TASP1: variants seen among roughly 807,000 people sequenced by gnomAD.
TASP1 encodes the protein taspase 1.
In TASP1, 16 loss-of-function variants were observed where a neutral mutation model predicts 56.6. The observed-to-expected ratio is 0.28, with a 90% CI of 0.19 to 0.43. The LOEUF (loss-of-function observed/expected upper bound fraction) is 0.43, where lower values mean the gene tolerates loss of function less well. TASP1 is among the 20% of genes least tolerant of loss of function. The probability of loss-of-function intolerance (pLI) is 1.00; values close to 1 mark genes in which losing one functional copy is unlikely to be tolerated. For missense variants in TASP1, 393 were observed against 511.6 expected (o/e 0.77, Z 2.24); for synonymous variants, 179 against 184.2 (o/e 0.97, Z 0.23).
At chr20:13,590,339 T>C (rs2047476828) in intron 4 of TASP1, among the ~76,000 whole-genome samples, 1 of 152,080 alleles carries the variant, frequency 6.6e-6, no homozygotes, top group Admixed American at 6.6e-5. Context: ...GCTATAATCA[T>C]ACAGATAACA....
the TASP1 span, among the ~76,000 whole-genome samples, chr20:13,225,614 G>A: frequency 2.0e-5 from 3 of 152,076 alleles, no homozygotes; most frequent in African/African-American, 7.2e-5. Context: ...GCAGTAAAAA[G>A]TTTTGAGTAC....
chr20:13,220,573 C>G, the TASP1 span, among the ~76,000 whole-genome samples: 1 of 152,220 alleles, frequency 6.6e-6, no homozygotes, highest in African/African-American at 2.4e-5. Context: ...GAGCCGCGGG[C>G]ACTGCGTCTC....
intron 4 of TASP1, among the ~76,000 whole-genome samples, chr20:13,612,097 T>G (rs1380505788): frequency 6.6e-6 from 1 of 152,132 alleles, no homozygotes. Context: ...AACAACAAAT[T>G]TTATTATCAT....
chr20:13,390,238 G>T lies in TASP1; in HGVS notation c.*122C>A. On this transcript the variant is annotated 3_prime_UTR_variant, in exon 14 of 14. Coordinates refer to ENST00000337743, the MANE Select transcript of TASP1 (RefSeq NM_017714.3). ...TACAGCAGCACTTGTGTCTCGAGCAGTGCACGAGGTTGCAATAGGAATTAT... is the reference window on the plus strand; with the variant it reads ...TACAGCAGCACTTGTGTCTCGAGCATTGCACGAGGTTGCAATAGGAATTAT... The T allele has an allele frequency of 2.3e-6, 2 of 859,876 alleles. No individual in the cohort carries two copies. Among genetic ancestry groups the T allele is most frequent in the Non-Finnish European group, 3.6e-6 (2 of 548,854 alleles). 53.3% of individuals were successfully genotyped at this position (859,876 alleles called of 1,614,324 possible).
chr20:13,319,274 C>T, the TASP1 span, among the ~76,000 whole-genome samples: 2 of 152,018 alleles, frequency 1.3e-5, no homozygotes, highest in Non-Finnish European at 2.9e-5. Flanking sequence ...GCCAACTAGA[C>T]TATGAGCAAC....
At chr20:13,229,781 G>A in the TASP1 span, among the ~76,000 whole-genome samples, 1 of 152,060 alleles carries the variant, frequency 6.6e-6, no homozygotes, top group Non-Finnish European at 1.5e-5. Context: ...TCTCACCTCT[G>A]TAGTGCTTCA....
At chr20:13,350,981 A>G in the TASP1 span, among the ~76,000 whole-genome samples, 3 of 150,826 alleles carry the variant, frequency 2.0e-5, no homozygotes, top group Non-Finnish European at 4.4e-5. Context: ...AAAAAAAAAC[A>G]AAACCTAATT....
In TASP1 at chr20:13,559,033, T is replaced by C; in HGVS notation, c.650A>G (p.Lys217Arg). ...ERVDTDFMQLKKRRQSSEKEN... is the reference protein window; with the variant it reads ...ERVDTDFMQLRKRRQSSEKEN... ...CTTCTCACTTGATTGTCTTCTTTTC[T>C]TTAGTTGCATAAAATCTGTGTCCAC... The change falls in exon 8 of 14, where the codon AAG becomes AGG. Residue 217 changes from lysine to arginine, a missense_variant. Transcript: ENST00000337743. 1 of 1,595,868 alleles carries C rather than the reference T, an allele frequency of 6.3e-7. No homozygotes were observed. The highest frequency in any genetic ancestry group is 8.5e-7 in the Non-Finnish European group (1 of 1,170,736).
intron 10 of TASP1, among the ~76,000 whole-genome samples, chr20:13,498,796 C>CAAAAAAAAAAAAAAAAAAA: frequency 7.7e-6 from 1 of 130,058 alleles, no homozygotes; most frequent in African/African-American, 2.8e-5. Context: ...ATAAAAAAGG[C>CAAAAAAAAAAAAAAAAAAA]AAAAAAAAAA....
At chr20:13,457,314 A>T (rs2043881389) in intron 11 of TASP1, among the ~76,000 whole-genome samples, 2 of 152,166 alleles carry the variant, frequency 1.3e-5, no homozygotes, top group Non-Finnish European at 2.9e-5. Context: ...TATATACATT[A>T]TTTTAAAACC....
chr20:13,318,931 G>A, the TASP1 span, among the ~76,000 whole-genome samples: 1 of 152,196 alleles, frequency 6.6e-6, no homozygotes, highest in East Asian at 1.9e-4. Flanking sequence ...ACTATGCTAT[G>A]TGTTACTATA....
the TASP1 span, among the ~76,000 whole-genome samples, chr20:13,221,326 G>A: frequency 1.4e-5 from 2 of 146,324 alleles, no homozygotes; most frequent in Admixed American, 6.9e-5. Context: ...CAGCTGCGGC[G>A]CCGCGGCCAC....
chr20:13,255,181 T>C, the TASP1 span, among the ~76,000 whole-genome samples: 31,947 of 152,212 alleles, frequency 0.21, 3,659 homozygotes, highest in East Asian at 0.42. Context: ...AAGTCCTCTC[T>C]CTCTGGAGGT....
At chr20:13,356,360 A>G in the TASP1 span, among the ~76,000 whole-genome samples, 1 of 152,154 alleles carries the variant, frequency 6.6e-6, no homozygotes, top group Non-Finnish European at 1.5e-5. Flanking sequence ...AATGTCAGGG[A>G]AGTAATATAC....
chr20:13,425,526 T>A (rs929807365), intron 12 of TASP1, among the ~76,000 whole-genome samples: 1 of 152,094 alleles, frequency 6.6e-6, no homozygotes, highest in African/African-American at 2.4e-5. Context: ...ACTTAAAACC[T>A]CTCTGCTTAG....
chr20:13,120,435 A>G, the TASP1 span, among the ~76,000 whole-genome samples: 1 of 152,198 alleles, frequency 6.6e-6, no homozygotes. Flanking sequence ...CACTGTTCTC[A>G]TAGGGTTCTC....
chr20:13,561,815 G>C (rs1316532944), intron 7 of TASP1, among the ~76,000 whole-genome samples: 1 of 151,950 alleles, frequency 6.6e-6, no homozygotes, highest in Non-Finnish European at 1.5e-5. Flanking sequence ...AAGTTAAGCT[G>C]GTCTAAATTC....
rs539976422 is a variant in TASP1 at position 13,390,142 on chromosome 20, G to A, written c.*218C>T. ...ATACTCCACACATACACATATGTGC[G>A]CACATACGCGCACACACTCACACAC... On this transcript the variant is annotated 3_prime_UTR_variant, in exon 14 of 14. Coordinates refer to ENST00000337743, the MANE Select transcript of TASP1 (RefSeq NM_017714.3). 40 of 499,558 alleles carry A rather than the reference G, an allele frequency of 8.0e-5. No individual in the cohort carries two copies. In the East Asian group the frequency reaches 8.5e-4, roughly 11 times the overall value. The allele number at this position is 499,558 out of a possible 1,614,324, so 30.9% of individuals were successfully genotyped here.
chr20:13,299,709 G>A, the TASP1 span: 1 of 398,530 alleles, frequency 2.5e-6, no homozygotes, highest in Non-Finnish European at 4.5e-6. The surrounding 1 kb of genome is among the most constrained non-coding windows in gnomAD (Gnocchi z 5.8). Flanking sequence ...GAAGGATGGG[G>A]ACAACTTGGA....
Sources: gnomAD v4.1 joint callset for allele counts (sites outside exome capture counted in the v4.1 genomes callset) on GRCh38, gnomAD v4.1.1 for gene constraint, Gnocchi (gnomAD v3.1) non-coding constraint, MANE v1.5 for transcripts, NCBI Gene and HGNC (gene_info 2026-07-23, HGNC 2026-07-21) for gene names.